AFF2: variants seen among roughly 807,000 people sequenced by gnomAD.
AFF2 encodes the protein AF4/FMR2 family member 2.
Under a neutral mutation model 76.9 loss-of-function variants are expected in AFF2, and 14 were observed. The ratio of observed to expected loss-of-function variants is 0.18; its 90% CI spans 0.12 to 0.28. The LOEUF (loss-of-function observed/expected upper bound fraction) is 0.28, where lower values mean the gene tolerates loss of function less well. AFF2 is among the 10% of genes least tolerant of loss of function. The probability of loss-of-function intolerance (pLI) is 1.00; values close to 1 mark genes in which losing one functional copy is unlikely to be tolerated. For synonymous variants in AFF2, 398 were observed against 366.7 expected, an observed-to-expected ratio of 1.09 and a Z score of -0.98; for missense variants, 868 against 1,001.1, an observed-to-expected ratio of 0.87 and a Z score of 1.79.
intron 4 of AFF2, among the ~76,000 whole-genome samples, chrX:148,815,147 A>G (rs1312786404): frequency 6.3e-5 from 7 of 111,845 alleles, no homozygotes; most frequent in African/African-American, 2.3e-4. Context: ...TGAAATAGTA[A>G]TATAGTGTTC....
chrX:148,501,467 C>G (rs1324413755), intron 1 of AFF2, among the ~76,000 whole-genome samples: 1 of 113,177 alleles, frequency 8.8e-6, no homozygotes, highest in Non-Finnish European at 1.9e-5. Context: ...TCTCTCGGAG[C>G]GGCTTGCCGG....
chrX:148,701,328 A>G (rs1387289651), intron 3 of AFF2, among the ~76,000 whole-genome samples: 1 of 111,508 alleles, frequency 9.0e-6, no homozygotes, highest in African/African-American at 3.3e-5. Context: ...TAGTTTTAAC[A>G]TTTAAAGTGC....
intron 1 of AFF2, among the ~76,000 whole-genome samples, chrX:148,584,692 A>G (rs141222582): frequency 0.012 from 1,296 of 108,703 alleles, 8 homozygotes; most frequent in Non-Finnish European, 0.019. Context: ...AGTAGCTGGG[A>G]CTACGAGCAC....
At chrX:148,672,559 G>A (rs782782770) in intron 3 of AFF2, among the ~76,000 whole-genome samples, 13 of 111,798 alleles carry the variant, frequency 1.2e-4, no homozygotes, top group Non-Finnish European at 2.3e-4. Context: ...CTACTGGCAC[G>A]TAAAGGGCAA....
intron 3 of AFF2, among the ~76,000 whole-genome samples, chrX:148,689,939 TTGAC>T (rs1557260618): frequency 4.5e-5 from 5 of 112,329 alleles, no homozygotes; most frequent in Non-Finnish European, 9.4e-5. Context: ...CTCTGTGTGT[TTGAC>T]TGACTGACAT....
chrX:148,760,611 G>C (rs189863613), intron 3 of AFF2, among the ~76,000 whole-genome samples: 1 of 111,703 alleles, frequency 9.0e-6, no homozygotes. Flanking sequence ...TGAGACAATG[G>C]AAGGGCAAGT....
chrX:148,980,835 C>G, intron 19 of AFF2, 45 bp downstream of exon 19: 1 of 987,462 alleles, frequency 1.0e-6, no homozygotes, highest in Non-Finnish European at 1.4e-6. Flanking sequence ...ATGAGTGATT[C>G]AATAGACCCC....
intron 3 of AFF2, among the ~76,000 whole-genome samples, chrX:148,797,864 A>G (rs1557270641): frequency 8.9e-6 from 1 of 111,952 alleles, no homozygotes; most frequent in Non-Finnish European, 1.9e-5. Context: ...TTTTCTGCCA[A>G]TGTGCCTCAT....
At chrX:148,749,509 A>G (rs1179462560) in intron 3 of AFF2, among the ~76,000 whole-genome samples, 1 of 111,577 alleles carries the variant, frequency 9.0e-6, no homozygotes, top group Non-Finnish European at 1.9e-5. Context: ...TCTAAATTGC[A>G]TTAATAATAA....
At chrX:148,893,171 T>C (rs782060729) in intron 8 of AFF2, among the ~76,000 whole-genome samples, 7 of 112,316 alleles carry the variant, frequency 6.2e-5, no homozygotes, top group Middle Eastern at 4.6e-3. Context: ...AATTTATTCA[T>C]TAAAGACAGG....
intron 3 of AFF2, among the ~76,000 whole-genome samples, chrX:148,722,676 A>G (rs2055108294): frequency 9.0e-6 from 1 of 111,488 alleles, no homozygotes; most frequent in South Asian, 3.8e-4. Context: ...AAACTCCATC[A>G]ATGATTGTCC....
intron 4 of AFF2, among the ~76,000 whole-genome samples, chrX:148,817,068 GAC>G: frequency 9.0e-6 from 1 of 110,593 alleles, no homozygotes; most frequent in South Asian, 3.8e-4. Context: ...TATCTGAAAA[GAC>G]AAGAACAAAA....
chrX:148,903,302 C>T (rs782682239), intron 8 of AFF2, among the ~76,000 whole-genome samples: 1 of 111,859 alleles, frequency 8.9e-6, no homozygotes, highest in African/African-American at 3.2e-5. Context: ...TCACTAAAAC[C>T]CTCCAGGTGC....
At chrX:148,709,421 T>C (rs1324384338) in intron 3 of AFF2, among the ~76,000 whole-genome samples, 2 of 111,763 alleles carry the variant, frequency 1.8e-5, no homozygotes, top group African/African-American at 6.5e-5. Context: ...ATGTATAAAT[T>C]AGTGTGTTTA....
At chrX:148,660,134 C>T (rs1197713799) in intron 2 of AFF2, among the ~76,000 whole-genome samples, 1 of 112,095 alleles carries the variant, frequency 8.9e-6, no homozygotes, top group Non-Finnish European at 1.9e-5. Flanking sequence ...TTTCCTTAAT[C>T]TTTGAAATTT....
intron 1 of AFF2, among the ~76,000 whole-genome samples, chrX:148,534,565 A>G (rs1187468393): frequency 2.7e-5 from 3 of 112,287 alleles, no homozygotes; most frequent in African/African-American, 9.7e-5. Context: ...GTAGGCCCCA[A>G]TTCCCACAGC....
chrX:148,648,076 G>A (rs1557255767), intron 1 of AFF2, among the ~76,000 whole-genome samples: 1 of 112,249 alleles, frequency 8.9e-6, no homozygotes, highest in African/African-American at 3.2e-5. Flanking sequence ...AAGGCTAGGA[G>A]AAGATACTAC....
chrX:148,950,015 G>A (rs1243419226), intron 9 of AFF2, among the ~76,000 whole-genome samples: 1 of 112,575 alleles, frequency 8.9e-6, no homozygotes, highest in Non-Finnish European at 1.9e-5. Flanking sequence ...AAATGTAGCA[G>A]AAGTGGAAAT....
intron 8 of AFF2, among the ~76,000 whole-genome samples, chrX:148,894,569 C>G (rs1185865554): frequency 9.0e-6 from 1 of 111,421 alleles, no homozygotes; most frequent in South Asian, 3.7e-4. Context: ...GTATTTCACA[C>G]AGCAAAAATT....
Sources: gnomAD v4.1 joint callset for allele counts (sites outside exome capture counted in the v4.1 genomes callset) on GRCh38, gnomAD v4.1.1 for gene constraint, MANE v1.5 for transcripts, NCBI Gene and HGNC (gene_info 2026-07-23, HGNC 2026-07-21) for gene names.